Variants in PLCXD2 observed in about 807,000 individuals in gnomAD.
PLCXD2 encodes PI-PLC X domain-containing protein 2.
A neutral mutation model predicts 28.6 loss-of-function variants in PLCXD2; 21 were observed. The ratio of observed to expected loss-of-function variants is 0.73; its 90% CI spans 0.52 to 1.06. PLCXD2 has a LOEUF of 1.06. Ranked by LOEUF, PLCXD2 falls within the 50% of genes least tolerant of loss-of-function variation. The probability of loss-of-function intolerance (pLI) is 0.00; values close to 1 mark genes in which losing one functional copy is unlikely to be tolerated. For synonymous variants in PLCXD2, 140 were observed against 150.1 expected, an observed-to-expected ratio of 0.93 and a Z score of 0.49; for missense variants, 369 against 376.7, an observed-to-expected ratio of 0.98 and a Z score of 0.17.
intron 3 of PLCXD2, among the ~76,000 whole-genome samples, chr3:111,716,317 C>T (rs925935664): frequency 1.3e-5 from 2 of 152,122 alleles, no homozygotes; most frequent in Non-Finnish European, 2.9e-5. Flanking sequence ...TCTGTCCTAA[C>T]AACTGGTCGC....
intron 1 of PLCXD2, among the ~76,000 whole-genome samples, chr3:111,694,980 AG>A (rs1940941267): frequency 6.6e-6 from 1 of 152,222 alleles, no homozygotes; most frequent in Non-Finnish European, 1.5e-5. Flanking sequence ...TCTAAACCTC[AG>A]GAATATATTC....
intron 1 of PLCXD2, among the ~76,000 whole-genome samples, chr3:111,705,752 T>C (rs1021284923): frequency 2.0e-5 from 3 of 152,146 alleles, no homozygotes; most frequent in African/African-American, 7.2e-5. Context: ...ATTTCCTTGA[T>C]GATTAGCGAC....
At chr3:111,718,249 G>C (rs1375853299) in intron 3 of PLCXD2, among the ~76,000 whole-genome samples, 1 of 152,152 alleles carries the variant, frequency 6.6e-6, no homozygotes, top group African/African-American at 2.4e-5. Context: ...CGGATCACCA[G>C]GTCAGGAGAT....
In PLCXD2 at chr3:111,685,116, GT is replaced by G. The variant is rs67186352; in HGVS notation, c.163+9709del. 4.9e-3 allele frequency among the ~76,000 whole-genome samples: 740 copies of G among 152,302 alleles called. 8 individuals are homozygous for G. Among genetic ancestry groups the G allele is most frequent in the African/African-American group, 0.017 (699 of 41,560 alleles). On this transcript the variant is annotated intron_variant, in intron 1 of 4. Coordinates refer to ENST00000477665, the MANE Select transcript of PLCXD2 (RefSeq NM_001185106.1). Reference sequence around the variant, plus strand: ...GGGAGAAGGGCACAGGTGGGACACAGTGGAGATGGTTTCAGAGCTAAATCTT... The same window carrying G: ...GGGAGAAGGGCACAGGTGGGACACAGGGAGATGGTTTCAGAGCTAAATCTT...
intron 2 of PLCXD2, among the ~76,000 whole-genome samples, chr3:111,712,143 C>G (rs969994782): frequency 6.6e-6 from 1 of 152,128 alleles, no homozygotes; most frequent in Non-Finnish European, 1.5e-5. Context: ...CCGGCCTCCC[C>G]CTGTAAACAG....
At chr3:111,691,780 G>T (rs960349617) in intron 1 of PLCXD2, among the ~76,000 whole-genome samples, 1 of 152,170 alleles carries the variant, frequency 6.6e-6, no homozygotes, top group African/African-American at 2.4e-5. Context: ...TTGCAACCCT[G>T]AACTAGTTGC....
Position 111,714,096 on chromosome 3 carries a change from G to T in PLCXD2, c.834G>T (p.Leu278Phe). ...GAGTGAAGACCATTGCCCGGGGCTT[G>T]GTTGGGGGCCTCAAGAACACGCTGG... The change falls in exon 3 of 5, where the codon TTG (leucine) becomes TTT (phenylalanine). Residue 278 changes from leucine to phenylalanine, a missense_variant. Physicochemically the swap from Leu to Phe is conservative, Grantham distance 22. Coordinates refer to ENST00000477665, the MANE Select transcript of PLCXD2 (RefSeq NM_001185106.1). The T allele has an allele frequency of 6.2e-7, 1 of 1,614,100 alleles. No individual in the cohort carries two copies.
chr3:111,720,961 C>A, intron 3 of PLCXD2: 1 of 412,868 alleles, frequency 2.4e-6, no homozygotes. Context: ...TAGGATGGCC[C>A]CTGGGGCAGT....
intron 1 of PLCXD2, among the ~76,000 whole-genome samples, chr3:111,682,259 G>T (rs963431033): frequency 8.5e-5 from 13 of 152,186 alleles, no homozygotes; most frequent in Non-Finnish European, 1.8e-4. Flanking sequence ...AGGTCTCTAG[G>T]TAACTTCAAG....
chr3:111,704,205 G>T (rs948591638), intron 1 of PLCXD2, among the ~76,000 whole-genome samples: 1 of 152,204 alleles, frequency 6.6e-6, no homozygotes, highest in Non-Finnish European at 1.5e-5. Context: ...ATTGCGGGGG[G>T]TAGTGGTTAA....
chr3:111,712,967 G>T (rs938471638), intron 2 of PLCXD2, among the ~76,000 whole-genome samples: 6 of 152,198 alleles, frequency 3.9e-5, no homozygotes, highest in Non-Finnish European at 8.8e-5. Flanking sequence ...CCACCATCCT[G>T]AGCGGTCCCT....
chr3:111,690,922 C>A (rs1235382203), intron 1 of PLCXD2, among the ~76,000 whole-genome samples: 1 of 152,078 alleles, frequency 6.6e-6, no homozygotes, highest in African/African-American at 2.4e-5. Flanking sequence ...TAAAATGACC[C>A]ACAAAATAAT....
intron 3 of PLCXD2, among the ~76,000 whole-genome samples, chr3:111,717,018 T>G (rs1941275954): frequency 6.6e-6 from 1 of 152,162 alleles, no homozygotes; most frequent in African/African-American, 2.4e-5. Context: ...CACTTTGATC[T>G]TGGATGTCCA....
intron 1 of PLCXD2, among the ~76,000 whole-genome samples, chr3:111,696,681 TCTGA>T (rs1940966318): frequency 6.6e-6 from 1 of 152,172 alleles, no homozygotes; most frequent in Non-Finnish European, 1.5e-5. Flanking sequence ...AATTGAACAC[TCTGA>T]CTATTCGTTA....
chr3:111,675,102 G>C lies in PLCXD2; in HGVS notation c.-144G>C. On this transcript the variant is annotated 5_prime_UTR_variant, in exon 1 of 5. Transcript: ENST00000477665. ...AGTGCTAGTGGGTAAGGATCCATCT[G>C]TTTGCCCCGTCCCCCAGCCAGAAAG... The C allele has an allele frequency of 2.2e-6, 2 of 912,052 alleles. No homozygotes were observed. The highest frequency in any genetic ancestry group is 5.0e-5 in the East Asian group (2 of 40,230). 56.5% of individuals were successfully genotyped at this position (912,052 alleles called of 1,614,324 possible). A position where few individuals can be genotyped will look rare whatever the true frequency, so the allele number is the denominator to read the frequency against.
At chr3:111,690,754 C>T (rs1236091781) in intron 1 of PLCXD2, among the ~76,000 whole-genome samples, 1 of 152,188 alleles carries the variant, frequency 6.6e-6, no homozygotes, top group East Asian at 1.9e-4. Context: ...AGAAAAAAAC[C>T]TCTTCTTATC....
intron 1 of PLCXD2, among the ~76,000 whole-genome samples, chr3:111,697,107 C>T (rs141239386): frequency 1.2e-4 from 19 of 152,098 alleles, no homozygotes; most frequent in South Asian, 2.1e-4. Context: ...CAAACTCTTG[C>T]TATCCAAACA....
intron 1 of PLCXD2, among the ~76,000 whole-genome samples, chr3:111,700,846 G>A (rs565422220): frequency 1.3e-4 from 20 of 152,178 alleles, no homozygotes; most frequent in African/African-American, 4.3e-4. Context: ...AGGGCGGGGC[G>A]GGGGGTCAGG....
intron 1 of PLCXD2, among the ~76,000 whole-genome samples, chr3:111,681,593 A>AAC (rs1940715741): frequency 6.6e-6 from 1 of 152,098 alleles, no homozygotes. Context: ...CCCATTACCC[A>AAC]ACACACACAC....
Sources: gnomAD v4.1 joint callset for allele counts (sites outside exome capture counted in the v4.1 genomes callset) on GRCh38, gnomAD v4.1.1 for gene constraint, MANE v1.5 for transcripts, NCBI Gene and HGNC (gene_info 2026-07-23, HGNC 2026-07-21) for gene names.